Variants in MAGI2 observed in about 807,000 individuals in gnomAD.
The protein encoded by MAGI2 is membrane-associated guanylate kinase, WW and PDZ domain-containing protein 2.
In MAGI2, 35 loss-of-function variants were observed where a neutral mutation model predicts 133.3. The observed-to-expected ratio is 0.26, with a 90% CI of 0.20 to 0.35. MAGI2 has a LOEUF of 0.35. Among genes scored for constraint, MAGI2 ranks in the 10% least tolerant of loss-of-function variants. The pLI, the probability that MAGI2 is intolerant of heterozygous loss-of-function variation, is 1.00. For synonymous variants in MAGI2, 729 were observed against 710.6 expected (o/e 1.03, Z -0.41); for missense variants, 1,636 against 1,863.4 (o/e 0.88, Z 2.25).
chr7:79,103,318 C>T (rs1818155715), intron 1 of MAGI2, among the ~76,000 whole-genome samples: 1 of 152,116 alleles, frequency 6.6e-6, no homozygotes. Context: ...TAGCCTGCTC[C>T]CTGTTTTTTA....
chr7:78,506,213 G>T (rs1214214585), intron 4 of MAGI2, among the ~76,000 whole-genome samples: 2 of 152,030 alleles, frequency 1.3e-5, no homozygotes, highest in African/African-American at 2.4e-5. Context: ...ATATTTAGAG[G>T]GTAGATTTTA....
chr7:78,846,248 A>G (rs187917268), intron 2 of MAGI2, among the ~76,000 whole-genome samples: 1 of 152,130 alleles, frequency 6.6e-6, no homozygotes, highest in East Asian at 1.9e-4. Flanking sequence ...GAAGAAAAGA[A>G]TTGGAGATAA....
At position 78,610,824 on chromosome 7, in the gene MAGI2, A is replaced by G. The variant is rs181136190; in HGVS notation, c.538+16296T>C. On this transcript the variant is annotated intron_variant, in intron 3 of 21. Coordinates refer to ENST00000354212, the MANE Select transcript of MAGI2 (RefSeq NM_012301.4). Reference sequence around the variant, plus strand: ...GGAAAGTGAAGTCAAGGAGGCACAAATAGAAGAGCAAAGCGAGTCATCCCG... The same window carrying G: ...GGAAAGTGAAGTCAAGGAGGCACAAGTAGAAGAGCAAAGCGAGTCATCCCG... Among the ~76,000 whole-genome samples the G allele has an allele frequency of 2.0e-5, 3 of 152,290 alleles. No homozygotes were observed. The East Asian group carries it at 5.8e-4, about 29-fold the overall frequency.
intron 10 of MAGI2, among the ~76,000 whole-genome samples, chr7:78,222,029 G>A (rs569030352): frequency 6.6e-6 from 1 of 152,100 alleles, no homozygotes; most frequent in East Asian, 2.0e-4. Flanking sequence ...CAGCCTGGGC[G>A]ACAGAGCAAG....
intron 1 of MAGI2, among the ~76,000 whole-genome samples, chr7:79,213,249 G>GGT (rs1829662734): frequency 7.3e-6 from 1 of 136,442 alleles, no homozygotes; most frequent in Non-Finnish European, 1.6e-5. Context: ...TATATATGTG[G>GGT]GTGTGTATAT....
intron 9 of MAGI2, among the ~76,000 whole-genome samples, chr7:78,268,242 A>C (rs1794208189): frequency 6.6e-6 from 1 of 152,096 alleles, no homozygotes; most frequent in African/African-American, 2.4e-5. Flanking sequence ...ACAATGCAAA[A>C]ATCTTAACCA....
chr7:79,248,035 A>T (rs1056000353), intron 1 of MAGI2, among the ~76,000 whole-genome samples: 1 of 152,190 alleles, frequency 6.6e-6, no homozygotes, highest in Non-Finnish European at 1.5e-5. Context: ...ATAACATTGA[A>T]TGTAAATGAA....
chr7:79,240,037 C>G (rs146278003), intron 1 of MAGI2, among the ~76,000 whole-genome samples: 118 of 152,306 alleles, frequency 7.7e-4, no homozygotes, highest in Admixed American at 1.6e-3. Context: ...ATATGTCCCA[C>G]AGCTTCCATA....
At position 79,149,047 on chromosome 7, in the gene MAGI2, T is replaced by TA. The variant is rs535653045; in HGVS notation, c.302-141842dup. On this transcript the variant is annotated intron_variant, in intron 1 of 21. Transcript: ENST00000354212. ...CACTAGATTTTAGGAAGTATATATA[T>TA]ATATAATATAATATAATATATTATA... Among the ~76,000 whole-genome samples, 30 of 144,374 alleles carry TA rather than the reference T, an allele frequency of 2.1e-4. No homozygotes were observed. The South Asian group carries it at 6.4e-3, about 31-fold the overall frequency. The allele number at this position is 144,374 out of a possible 152,430, so 94.7% of individuals were successfully genotyped here.
intron 9 of MAGI2, among the ~76,000 whole-genome samples, chr7:78,328,388 T>A (rs550487412): frequency 2.6e-5 from 4 of 151,562 alleles, no homozygotes; most frequent in Non-Finnish European, 4.4e-5. Context: ...AAATACTGAG[T>A]TAAATATATA....
chr7:78,047,980 G>A (rs924479860), intron 21 of MAGI2, among the ~76,000 whole-genome samples: 2 of 152,168 alleles, frequency 1.3e-5, no homozygotes, highest in Non-Finnish European at 2.9e-5. Flanking sequence ...TCCCTCTTCT[G>A]AGCACGTGTT....
At chr7:79,088,057 G>A (rs754521116) in intron 1 of MAGI2, among the ~76,000 whole-genome samples, 1 of 152,076 alleles carries the variant, frequency 6.6e-6, no homozygotes, top group Non-Finnish European at 1.5e-5. Context: ...GATAGGGATA[G>A]CATTGAAACT....
chr7:78,247,236 C>T (rs1173080438), intron 10 of MAGI2, among the ~76,000 whole-genome samples: 3 of 152,196 alleles, frequency 2.0e-5, no homozygotes, highest in Non-Finnish European at 2.9e-5. Flanking sequence ...ATCTATGCTG[C>T]CACTGCTGTT....
intron 2 of MAGI2, among the ~76,000 whole-genome samples, chr7:78,756,039 C>T (rs549005311): frequency 8.5e-5 from 13 of 152,164 alleles, no homozygotes; most frequent in Admixed American, 2.0e-4. Context: ...GAGAATTCTC[C>T]GGGATACTAT....
chr7:78,706,976 G>A (rs1818715074), intron 2 of MAGI2, among the ~76,000 whole-genome samples: 1 of 152,070 alleles, frequency 6.6e-6, no homozygotes, highest in Non-Finnish European at 1.5e-5. Context: ...TGGCCCTCCA[G>A]AAGTACATTT....
At chr7:79,191,799 C>A (rs1311049413) in intron 1 of MAGI2, among the ~76,000 whole-genome samples, 3 of 151,344 alleles carry the variant, frequency 2.0e-5, no homozygotes, top group Admixed American at 1.3e-4. Context: ...AGTATCTATG[C>A]CCTTTTAAAA....
chr7:78,794,292 G>T (rs1243336117), intron 2 of MAGI2, among the ~76,000 whole-genome samples: 1 of 152,178 alleles, frequency 6.6e-6, no homozygotes, highest in East Asian at 1.9e-4. Flanking sequence ...AGAATCCCAT[G>T]AATTCCCAGG....
At chr7:78,797,978 G>A (rs942444257) in intron 2 of MAGI2, among the ~76,000 whole-genome samples, 22 of 152,090 alleles carry the variant, frequency 1.4e-4, no homozygotes, top group African/African-American at 5.3e-4. Flanking sequence ...AAGGAACAGG[G>A]TCACACAATG....
At chr7:78,603,944 T>G (rs759242508) in intron 3 of MAGI2, among the ~76,000 whole-genome samples, 1 of 152,220 alleles carries the variant, frequency 6.6e-6, no homozygotes, top group Non-Finnish European at 1.5e-5. Flanking sequence ...AGAATTAGAA[T>G]AATGGTCAGA....
Sources: gnomAD v4.1 joint callset for allele counts (sites outside exome capture counted in the v4.1 genomes callset) on GRCh38, gnomAD v4.1.1 for gene constraint, MANE v1.5 for transcripts, NCBI Gene and HGNC (gene_info 2026-07-23, HGNC 2026-07-21) for gene names.